TNN: variants seen among roughly 807,000 people sequenced by gnomAD.
TNN encodes the protein tenascin N.
TNN carries 122 observed loss-of-function variants against 134.4 expected under a neutral mutation model. The observed-to-expected ratio is 0.91, with a 90% CI of 0.78 to 1.06. The LOEUF (loss-of-function observed/expected upper bound fraction) is 1.06, where lower values mean the gene tolerates loss of function less well. Among genes scored for constraint, TNN ranks in the 50% least tolerant of loss-of-function variants. The probability of loss-of-function intolerance (pLI) is 0.00; values close to 1 mark genes in which losing one functional copy is unlikely to be tolerated. For synonymous variants in TNN, 710 were observed against 670.3 expected (o/e 1.06, Z -0.91); for missense variants, 1,739 against 1,699.4 (o/e 1.02, Z -0.41).
intron 7 of TNN, 121 bp from the exon 8 acceptor site, chr1:175,097,296 A>G (rs752649293): frequency 2.3e-5 from 30 of 1,287,046 alleles, no homozygotes; most frequent in Non-Finnish European, 3.0e-5. Context: ...CATTAACTCA[A>G]TCATTGACAT....
chr1:175,133,134 T>C (rs1192172073), intron 15 of TNN, among the ~76,000 whole-genome samples: 2 of 152,214 alleles, frequency 1.3e-5, no homozygotes, highest in Admixed American at 6.5e-5. Flanking sequence ...GCATTCAGCT[T>C]GGCTCTCAAG....
intron 17 of TNN, among the ~76,000 whole-genome samples, chr1:175,140,070 A>G (rs1675910306): frequency 6.6e-6 from 1 of 152,248 alleles, no homozygotes. Flanking sequence ...GACTAAGCAC[A>G]CTGTCCATAT....
chr1:175,070,989 C>T (rs1253935181), intron 1 of TNN, among the ~76,000 whole-genome samples: 1 of 152,216 alleles, frequency 6.6e-6, no homozygotes, highest in African/African-American at 2.4e-5. Flanking sequence ...GACATTGATG[C>T]ATCCCTAGCC....
chr1:175,143,955 G>A (rs578002770), intron 17 of TNN, among the ~76,000 whole-genome samples: 2 of 152,296 alleles, frequency 1.3e-5, no homozygotes, highest in East Asian at 3.9e-4. Flanking sequence ...TGCAGAGGGA[G>A]GGCTTGAGAA....
chr1:175,118,941 A>G (rs1675268274), intron 11 of TNN, 117 bp downstream of exon 11: 5 of 1,361,046 alleles, frequency 3.7e-6, no homozygotes, highest in Non-Finnish European at 5.0e-6. Context: ...AGACTGTTTT[A>G]GGAGAGTTTG....
At chr1:175,134,165 T>C (rs1262746601) in intron 15 of TNN, among the ~76,000 whole-genome samples, 3 of 152,194 alleles carry the variant, frequency 2.0e-5, no homozygotes, top group Non-Finnish European at 4.4e-5. Flanking sequence ...CTCCAGCCCT[T>C]ACATCCAATT....
chr1:175,144,574 T>C, intron 18 of TNN, 24 bp downstream of exon 18: 2 of 1,611,952 alleles, frequency 1.2e-6, no homozygotes, highest in Non-Finnish European at 1.7e-6. Context: ...GAATGTCTTT[T>C]CTGTCCCAGG....
intron 15 of TNN, among the ~76,000 whole-genome samples, chr1:175,135,154 A>G (rs1007143165): frequency 2.6e-5 from 4 of 152,098 alleles, no homozygotes; most frequent in African/African-American, 4.8e-5. Context: ...CTCCTGTTTT[A>G]TGCTCTTACA....
intron 6 of TNN, among the ~76,000 whole-genome samples, chr1:175,090,933 T>C (rs149796377): frequency 2.6e-5 from 4 of 152,320 alleles, no homozygotes; most frequent in Non-Finnish European, 5.9e-5. Flanking sequence ...GGGGAGGATG[T>C]TGGGGCCAGG....
chr1:175,113,582 G>T (rs1467605865), intron 9 of TNN, among the ~76,000 whole-genome samples: 1 of 152,126 alleles, frequency 6.6e-6, no homozygotes, highest in Non-Finnish European at 1.5e-5. Flanking sequence ...GAGCTTCCTA[G>T]ATCTGAATAT....
At position 175,098,099 on chromosome 1, in the gene TNN, C is replaced by CA. The variant is rs573770867; in HGVS notation, c.1856-231dup. ...TGCTGCTGAGAAGACATCGTTCCTC[C>CA]AACATTTTAGGGAACTGAAAGCCAA... On this transcript the variant is annotated intron_variant, in intron 8 of 18. Coordinates refer to ENST00000239462, the MANE Select transcript of TNN (RefSeq NM_022093.2). Among the ~76,000 whole-genome samples, 24 of 152,246 alleles carry CA rather than the reference C, an allele frequency of 1.6e-4. No individual in the cohort carries two copies. The East Asian group carries it at 4.2e-3, about 27-fold the overall frequency.
rs747301590 is a variant in TNN, at chr1:175,077,689, C to T, written c.271C>T (p.Arg91Cys). The change falls in exon 2 of 19, where the codon CGC becomes TGC. Residue 91 changes from arginine (R) to cysteine (C), a missense_variant. By Grantham distance (180) the Arg-to-Cys change is radical. Transcript: ENST00000239462. ...GAACATCATCTTCAGGCACAACATC[C>T]GCCTTCAGACGCCACAGAAGGACTG... ...EQNIIFRHNIRLQTPQKDCEL... is the reference protein window; with the variant it reads ...EQNIIFRHNICLQTPQKDCEL... 6.3e-5 allele frequency: 102 copies of T among 1,614,118 alleles called. No individual in the cohort carries two copies. Among genetic ancestry groups the T allele is most frequent in the East Asian group, 8.9e-5 (4 of 44,896 alleles).
At position 175,102,144 on chromosome 1, in the gene TNN, A is replaced by G. The variant is rs993151831; in HGVS notation, c.2119+3549A>G. On this transcript the variant is annotated intron_variant, in intron 9 of 18. Coordinates refer to ENST00000239462, the MANE Select transcript of TNN (RefSeq NM_022093.2). The stretch of plus-strand genomic sequence containing the variant: ...TTGGTGCACTCACAAACCTTGAGCT[A>G]GACACAGGGTGCTGATTGGTGTGTT... Among the ~76,000 whole-genome samples the G allele has an allele frequency of 6.2e-5, 9 of 145,654 alleles. 1 individual carries two copies. The highest frequency in any genetic ancestry group is 5.5e-4 in the Admixed American group (8 of 14,582).
In TNN at chr1:175,108,855, G is replaced by A. The variant is rs549828213; in HGVS notation, c.2120-8084G>A. Among the ~76,000 whole-genome samples, 162 of 149,456 alleles carry A rather than the reference G, an allele frequency of 1.1e-3. 3 individuals carry two copies. Among genetic ancestry groups the A allele is most frequent in the Admixed American group, 1.5e-3 (23 of 15,112 alleles). On this transcript the variant is annotated intron_variant, in intron 9 of 18. Coordinates refer to ENST00000239462, the MANE Select transcript of TNN (RefSeq NM_022093.2). ...CACGCCTCTCCCTCCACACCTCCCC[G>A]CAAGCTGAGGGAGTGGGCTCCAGCC...
chr1:175,080,501 G>C, intron 4 of TNN, 75 bp downstream of exon 4: 1 of 1,560,464 alleles, frequency 6.4e-7, no homozygotes, highest in South Asian at 1.2e-5. Context: ...TTAAACACCT[G>C]TAGGCAGTTG....
intron 17 of TNN, among the ~76,000 whole-genome samples, chr1:175,139,993 A>G (rs1675908541): frequency 6.6e-6 from 1 of 152,260 alleles, no homozygotes; most frequent in African/African-American, 2.4e-5. Flanking sequence ...GGAAACATAG[A>G]TGGACATTCA....
chr1:175,077,486 C>A lies in TNN; in HGVS notation c.68C>A (p.Ser23Ter), dbSNP rs773607661. 2.5e-6 allele frequency: 4 copies of A among 1,613,848 alleles called. No individual in the cohort carries two copies. In the South Asian group the frequency reaches 3.3e-5, roughly 13 times the overall value. ...CTTGGCTCTGTGCTCCTGGTGGCTT[C>A]GGCCCCAGCCACTCTGGAGCCTCCC... ...LLLGSVLLVA[S>*]APATLEPPGC... Residue 23 changes from serine (S) to a stop codon, truncating the protein, a stop_gained, in exon 2 of 19, where the codon TCG becomes TAG. Transcript: ENST00000239462. LOFTEE classifies it high-confidence loss of function.
chr1:175,125,988 A>C, intron 12 of TNN, among the ~76,000 whole-genome samples: 1 of 138,096 alleles, frequency 7.2e-6, no homozygotes. Context: ...TCTCTCCTCT[A>C]TACAAGCACC....
chr1:175,094,791 A>G (rs1674534029), intron 7 of TNN, among the ~76,000 whole-genome samples: 1 of 152,232 alleles, frequency 6.6e-6, no homozygotes, highest in East Asian at 1.9e-4. Context: ...CTATACTGGG[A>G]CATAGCCCAG....
Sources: gnomAD v4.1 joint callset for allele counts (sites outside exome capture counted in the v4.1 genomes callset) on GRCh38, gnomAD v4.1.1 for gene constraint, MANE v1.5 for transcripts, NCBI Gene and HGNC (gene_info 2026-07-23, HGNC 2026-07-21) for gene names.